The following CHST11 variants were observed in gnomAD, a reference collection of about 807,000 sequenced individuals.
The protein encoded by CHST11 is carbohydrate sulfotransferase 11.
In CHST11, 9 loss-of-function variants were observed where a neutral mutation model predicts 30.4. That is an observed-to-expected ratio of 0.30 (90% CI 0.18 to 0.52). CHST11 has a LOEUF of 0.52. CHST11 is among the 20% of genes least tolerant of loss of function. The pLI, the probability that CHST11 is intolerant of heterozygous loss-of-function variation, is 0.97. For synonymous variants in CHST11, 152 were observed against 187.8 expected (o/e 0.81, Z 1.56); for missense variants, 348 against 460.6 (o/e 0.76, Z 2.24).
At chr12:104,631,401 CCT>C (rs1489766237) in intron 2 of CHST11, among the ~76,000 whole-genome samples, 1 of 152,136 alleles carries the variant, frequency 6.6e-6, no homozygotes, top group Admixed American at 6.5e-5. Context: ...GGGTTTCTGG[CCT>C]CTCATCCCCC....
chr12:104,732,306 T>A (rs1437011710), intron 2 of CHST11, among the ~76,000 whole-genome samples: 1 of 152,124 alleles, frequency 6.6e-6, no homozygotes, highest in African/African-American at 2.4e-5. Context: ...CGTGGGTGCC[T>A]CAGAAAGATG....
chr12:104,622,669 G>C (rs2039171480), intron 2 of CHST11, among the ~76,000 whole-genome samples: 1 of 152,182 alleles, frequency 6.6e-6, no homozygotes, highest in Non-Finnish European at 1.5e-5. Context: ...CCCCTGCCAG[G>C]CACTAGCTGG....
intron 2 of CHST11, among the ~76,000 whole-genome samples, chr12:104,611,991 C>G (rs2039064642): frequency 6.6e-6 from 1 of 152,198 alleles, no homozygotes; most frequent in South Asian, 2.1e-4. Flanking sequence ...CAGACCCCAC[C>G]CTCTCTCGCC....
intron 1 of CHST11, among the ~76,000 whole-genome samples, chr12:104,493,064 G>A (rs893241595): frequency 1.3e-5 from 2 of 152,074 alleles, no homozygotes; most frequent in African/African-American, 4.8e-5. Flanking sequence ...ACGTAACTGA[G>A]GAAAATGAAG....
chr12:104,628,049 G>A (rs183428340), intron 2 of CHST11, among the ~76,000 whole-genome samples: 19 of 152,324 alleles, frequency 1.2e-4, no homozygotes, highest in Admixed American at 8.5e-4. Context: ...ATAGCAGCGG[G>A]AGGTAATCCC....
rs536331374 is a variant in CHST11, at chr12:104,464,812, G to A, written c.118+7283G>A. ...GTTAATAAAAATATCCAGAAAAAGT[G>A]CCAGACTTAAATCAGCACTCAATAA... On this transcript the variant is annotated intron_variant, in intron 1 of 2. Transcript: ENST00000303694. 2.0e-5 allele frequency among the ~76,000 whole-genome samples: 3 copies of A among 152,294 alleles called. No homozygotes were observed. In the South Asian group the frequency reaches 6.2e-4, roughly 32 times the overall value.
intron 2 of CHST11, among the ~76,000 whole-genome samples, chr12:104,635,506 C>T (rs771661831): frequency 1.3e-5 from 2 of 152,138 alleles, no homozygotes; most frequent in African/African-American, 2.4e-5. Flanking sequence ...GCCAAACAGC[C>T]GCAAGAGCAC....
intron 1 of CHST11, among the ~76,000 whole-genome samples, chr12:104,584,902 G>T (rs918861771): frequency 2.0e-5 from 3 of 152,204 alleles, no homozygotes; most frequent in Non-Finnish European, 2.9e-5. Context: ...GAAATTGCTG[G>T]ATTTGAAGGG....
At chr12:104,475,643 C>T (rs1444373605) in intron 1 of CHST11, among the ~76,000 whole-genome samples, 78 of 62,376 alleles carry the variant, frequency 1.3e-3, no homozygotes, top group African/African-American at 3.1e-3. Context: ...TATGATGCCT[C>T]AGAGTAAAGC....
At chr12:104,716,286 G>T (rs559063765) in intron 2 of CHST11, among the ~76,000 whole-genome samples, 24 of 152,294 alleles carry the variant, frequency 1.6e-4, no homozygotes, top group African/African-American at 5.3e-4. Context: ...TGTCATTTCA[G>T]ATGCAGCATA....
intron 2 of CHST11, among the ~76,000 whole-genome samples, chr12:104,747,486 T>C (rs1005617943): frequency 2.0e-5 from 3 of 152,230 alleles, no homozygotes; most frequent in African/African-American, 7.2e-5. Flanking sequence ...GCTGTGGATG[T>C]GGTGTCTTCG....
At chr12:104,508,031 C>T (rs532370736) in intron 1 of CHST11, among the ~76,000 whole-genome samples, 1 of 152,334 alleles carries the variant, frequency 6.6e-6, no homozygotes, top group African/African-American at 2.4e-5. Context: ...AGCAAATCCT[C>T]ATCCACTTAC....
chr12:104,705,889 G>C (rs2040028177), intron 2 of CHST11, among the ~76,000 whole-genome samples: 1 of 151,284 alleles, frequency 6.6e-6, no homozygotes, highest in African/African-American at 2.4e-5. Context: ...CACTGCCTGG[G>C]AGACAGAGCG....
intron 2 of CHST11, among the ~76,000 whole-genome samples, chr12:104,706,314 G>A (rs961714440): frequency 2.7e-5 from 4 of 150,660 alleles, no homozygotes; most frequent in African/African-American, 9.8e-5. Context: ...AACCTGGGAG[G>A]CGGAGGTTGC....
intron 2 of CHST11, among the ~76,000 whole-genome samples, chr12:104,755,914 C>G (rs934221829): frequency 6.6e-6 from 1 of 151,952 alleles, no homozygotes; most frequent in Non-Finnish European, 1.5e-5. Context: ...TCTCGGGACC[C>G]CCCCCTCCGG....
chr12:104,668,343 A>T (rs2039660195), intron 2 of CHST11, among the ~76,000 whole-genome samples: 1 of 152,196 alleles, frequency 6.6e-6, no homozygotes, highest in Admixed American at 6.5e-5. Flanking sequence ...TTATGTCATT[A>T]TCCAGTTTCC....
At chr12:104,722,814 T>C (rs1473556132) in intron 2 of CHST11, among the ~76,000 whole-genome samples, 1 of 152,052 alleles carries the variant, frequency 6.6e-6, no homozygotes, top group Non-Finnish European at 1.5e-5. Context: ...TGAAACATCA[T>C]CAAAGTGAGC....
intron 1 of CHST11, among the ~76,000 whole-genome samples, chr12:104,509,512 C>G (rs2037941513): frequency 6.6e-6 from 1 of 152,210 alleles, no homozygotes; most frequent in African/African-American, 2.4e-5. Flanking sequence ...AAACATGTCT[C>G]TGTACCTTAA....
At chr12:104,579,830 T>G (rs971645867) in intron 1 of CHST11, among the ~76,000 whole-genome samples, 1 of 152,168 alleles carries the variant, frequency 6.6e-6, no homozygotes, top group African/African-American at 2.4e-5. Context: ...AAAATGTAAT[T>G]GGAGATAAAA....
Sources: allele counts gnomAD v4.1 joint callset (sites outside exome capture counted in the v4.1 genomes callset), GRCh38; gene constraint gnomAD v4.1.1; transcripts MANE v1.5; gene names NCBI Gene and HGNC (gene_info 2026-07-23, HGNC 2026-07-21).